EDA: variants seen among roughly 807,000 people sequenced by gnomAD.
EDA encodes ectodysplasin A.
In EDA, 2 loss-of-function variants were observed where a neutral mutation model predicts 23.6. The ratio of observed to expected loss-of-function variants is 0.08; its 90% confidence interval spans 0.03 to 0.27. The LOEUF is 0.27. Ranked by LOEUF, EDA falls within the 10% of genes least tolerant of loss-of-function variation. The pLI is 1.00. For synonymous variants in EDA, 131 were observed against 132.0 expected, an observed-to-expected ratio of 0.99 and a Z score of 0.05; for missense variants, 229 against 324.2, an observed-to-expected ratio of 0.71 and a Z score of 2.26.
At chrX:69,951,850 T>A (rs1012864737) in intron 1 of EDA, among the ~76,000 whole-genome samples, 3 of 112,106 alleles carry the variant, frequency 2.7e-5, no homozygotes, top group Non-Finnish European at 5.6e-5. Flanking sequence ...GTGTAATCAC[T>A]TAATAAAGTG....
At chrX:69,667,838 G>A (rs1239412115) in intron 1 of EDA, among the ~76,000 whole-genome samples, 1 of 112,310 alleles carries the variant, frequency 8.9e-6, no homozygotes, top group Non-Finnish European at 1.9e-5. Context: ...TTCTTGCTGT[G>A]TCACTCCATG....
Position 69,943,582 on chromosome X carries a change from C to G in EDA, c.397-13445C>G, listed in dbSNP as rs151307860. Among the ~76,000 whole-genome samples the G allele has an allele frequency of 2.9e-3, 318 of 111,328 alleles. 1 individual carries two copies. Among genetic ancestry groups the G allele is most frequent in the African/African-American group, 9.5e-3 (291 of 30,619 alleles). On this transcript the variant is annotated intron_variant, in intron 1 of 7. Coordinates refer to ENST00000374552, the MANE Select transcript of EDA (RefSeq NM_001399.5). Reference sequence around the variant, plus strand: ...CTAGGAGAGGGGTGACACAAAGCACCACTGTGGCCACCACCACCTGGACTG... The same window carrying G: ...CTAGGAGAGGGGTGACACAAAGCACGACTGTGGCCACCACCACCTGGACTG...
At chrX:69,805,122 G>T (rs775501897) in intron 1 of EDA, among the ~76,000 whole-genome samples, 1 of 111,409 alleles carries the variant, frequency 9.0e-6, no homozygotes, top group African/African-American at 3.3e-5. Context: ...GTGAGGCTGA[G>T]ATATGTCCTG....
intron 1 of EDA, among the ~76,000 whole-genome samples, chrX:69,950,949 G>A (rs2018913767): frequency 1.3e-5 from 1 of 77,173 alleles, no homozygotes; most frequent in Non-Finnish European, 2.3e-5. Flanking sequence ...TGTGGGGTGG[G>A]GGGAGGGGGG....
chrX:69,837,051 T>C (rs1280949685), intron 1 of EDA, among the ~76,000 whole-genome samples: 3 of 112,098 alleles, frequency 2.7e-5, no homozygotes, highest in Non-Finnish European at 5.6e-5. Context: ...TTCATTTTTG[T>C]GGGTATATGG....
At chrX:69,666,627 G>A (rs1201056297) in intron 1 of EDA, among the ~76,000 whole-genome samples, 1 of 112,295 alleles carries the variant, frequency 8.9e-6, no homozygotes, top group Admixed American at 9.4e-5. Flanking sequence ...AACCAGTCTT[G>A]CATAACAGGG....
intron 1 of EDA, among the ~76,000 whole-genome samples, chrX:69,751,089 A>T (rs1453870350): frequency 1.8e-5 from 2 of 109,339 alleles, no homozygotes; most frequent in African/African-American, 6.6e-5. Context: ...TTAGACATGA[A>T]GTCCTTGCCC....
At chrX:69,671,098 G>C (rs1343475361) in intron 1 of EDA, among the ~76,000 whole-genome samples, 1 of 111,434 alleles carries the variant, frequency 9.0e-6, no homozygotes, top group Admixed American at 9.6e-5. Flanking sequence ...CTGAAGATGG[G>C]CCTGAGGGTG....
chrX:69,983,753 G>A (rs1353774086), intron 2 of EDA, among the ~76,000 whole-genome samples: 1 of 85,713 alleles, frequency 1.2e-5, no homozygotes, highest in East Asian at 3.8e-4. Flanking sequence ...TGCTCTTCTC[G>A]AGGAGTATCT....
chrX:69,621,744 A>G (rs1225727882), intron 1 of EDA, among the ~76,000 whole-genome samples: 1 of 110,213 alleles, frequency 9.1e-6, no homozygotes, highest in East Asian at 2.8e-4. Context: ...TTTTATTTGT[A>G]TTTTTTGTGT....
At chrX:69,945,137 A>G (rs780208326) in intron 1 of EDA, among the ~76,000 whole-genome samples, 1 of 111,998 alleles carries the variant, frequency 8.9e-6, no homozygotes, top group South Asian at 3.7e-4. Context: ...ACTAGGTACT[A>G]TGATCACTCA....
At chrX:69,789,380 C>A (rs1193106966) in intron 1 of EDA, among the ~76,000 whole-genome samples, 1 of 112,305 alleles carries the variant, frequency 8.9e-6, no homozygotes, top group African/African-American at 3.2e-5. Context: ...CTTAGCAGAA[C>A]CAGAAGTAGT....
At chrX:69,875,392 A>G (rs1478707377) in intron 1 of EDA, among the ~76,000 whole-genome samples, 1 of 111,960 alleles carries the variant, frequency 8.9e-6, no homozygotes, top group Non-Finnish European at 1.9e-5. Flanking sequence ...AGAACACCCT[A>G]TTCAACAAAT....
chrX:69,810,212 C>A (rs6625513), intron 1 of EDA, among the ~76,000 whole-genome samples: 7,033 of 77,916 alleles, frequency 0.09, 919 homozygotes, highest in East Asian at 0.73. Flanking sequence ...GAGCCAAGAT[C>A]GTGCCATTGC....
chrX:69,761,620 A>C (rs1462492187), intron 1 of EDA, among the ~76,000 whole-genome samples: 1 of 112,039 alleles, frequency 8.9e-6, no homozygotes, highest in Non-Finnish European at 1.9e-5. Flanking sequence ...ACAAGGTTAG[A>C]GTTTTGCCAT....
At chrX:69,758,855 A>AGAC (rs1225252059) in intron 1 of EDA, among the ~76,000 whole-genome samples, 1 of 112,198 alleles carries the variant, frequency 8.9e-6, no homozygotes, top group Non-Finnish European at 1.9e-5. Flanking sequence ...AAAATAAAAA[A>AGAC]GACAACAACA....
At chrX:69,821,357 T>G (rs1490046592) in intron 1 of EDA, among the ~76,000 whole-genome samples, 1 of 110,120 alleles carries the variant, frequency 9.1e-6, no homozygotes, top group Non-Finnish European at 1.9e-5. Flanking sequence ...TGTTTATCTA[T>G]GTAACAAACC....
At chrX:69,625,922 A>C (rs1932366604) in intron 1 of EDA, among the ~76,000 whole-genome samples, 2 of 111,050 alleles carry the variant, frequency 1.8e-5, no homozygotes, top group South Asian at 7.6e-4. Context: ...TATCTGGTAA[A>C]TAACTTATAT....
chrX:69,636,642 T>C (rs1296725289), intron 1 of EDA, among the ~76,000 whole-genome samples: 3 of 109,076 alleles, frequency 2.8e-5, no homozygotes, highest in Non-Finnish European at 3.8e-5. Flanking sequence ...GTTTTTTTTT[T>C]TTTTTTTGAT....
Sources: allele counts gnomAD v4.1 joint callset (sites outside exome capture counted in the v4.1 genomes callset), GRCh38; gene constraint gnomAD v4.1.1; transcripts MANE v1.5; gene names NCBI Gene and HGNC (gene_info 2026-07-23, HGNC 2026-07-21).